PPP3CA: variants seen among roughly 807,000 people sequenced by gnomAD.
The protein encoded by PPP3CA is protein phosphatase 3 catalytic subunit alpha.
In PPP3CA, 14 loss-of-function variants were observed where a neutral mutation model predicts 66.5. That is an observed-to-expected ratio of 0.21 (90% CI 0.14 to 0.33). PPP3CA has a LOEUF of 0.33. Ranked by LOEUF, PPP3CA falls within the 10% of genes least tolerant of loss-of-function variation. The probability of loss-of-function intolerance (pLI) is 1.00; values close to 1 mark genes in which losing one functional copy is unlikely to be tolerated. For missense variants in PPP3CA, 317 were observed against 639.5 expected (o/e 0.50, Z 5.44); for synonymous variants, 232 against 226.2 (o/e 1.03, Z -0.23).
At chr4:101,314,516 A>C (rs1728825449) in intron 1 of PPP3CA, among the ~76,000 whole-genome samples, 1 of 141,650 alleles carries the variant, frequency 7.1e-6, no homozygotes, top group Non-Finnish European at 1.5e-5. Flanking sequence ...GTGAGCAGAG[A>C]TCGCGCCACT....
intron 2 of PPP3CA, among the ~76,000 whole-genome samples, chr4:101,151,157 T>C (rs1211436368): frequency 6.6e-6 from 1 of 152,224 alleles, no homozygotes; most frequent in Non-Finnish European, 1.5e-5. Context: ...ACACAGACCG[T>C]GACCATGGAC....
At chr4:101,319,142 C>T (rs1311143200) in intron 1 of PPP3CA, among the ~76,000 whole-genome samples, 5 of 143,234 alleles carry the variant, frequency 3.5e-5, no homozygotes, top group African/African-American at 1.0e-4. Flanking sequence ...GGCTCTTAAA[C>T]GTGAAGAATT....
intron 2 of PPP3CA, among the ~76,000 whole-genome samples, chr4:101,191,378 C>A (rs909622143): frequency 2.0e-5 from 3 of 152,148 alleles, no homozygotes; most frequent in African/African-American, 7.2e-5. Context: ...CATGCAGTCA[C>A]CTTTTATAAT....
chr4:101,247,554 G>A (rs1289595897), intron 1 of PPP3CA, among the ~76,000 whole-genome samples: 1 of 152,070 alleles, frequency 6.6e-6, no homozygotes, highest in Non-Finnish European at 1.5e-5. Flanking sequence ...AACACAGTAT[G>A]AGCATCATTT....
At chr4:101,127,111 A>G (rs923692419) in intron 2 of PPP3CA, among the ~76,000 whole-genome samples, 2 of 152,108 alleles carry the variant, frequency 1.3e-5, no homozygotes, top group South Asian at 4.1e-4. Context: ...TGTATCATTT[A>G]TTCAGAGAAA....
At chr4:101,329,231 G>T (rs900747851) in intron 1 of PPP3CA, among the ~76,000 whole-genome samples, 4 of 152,052 alleles carry the variant, frequency 2.6e-5, no homozygotes, top group Non-Finnish European at 4.4e-5. Flanking sequence ...GCCAATATAA[G>T]AAAAGTTTTT....
chr4:101,195,587 T>C (rs371049990), intron 2 of PPP3CA, among the ~76,000 whole-genome samples: 15 of 152,304 alleles, frequency 9.8e-5, no homozygotes, highest in African/African-American at 3.4e-4. Context: ...TCGGGATACT[T>C]TGTCTAATCT....
chr4:101,278,136 A>AAAAAAAAAAAAAAAAAATAAAT (rs1553937788), intron 1 of PPP3CA, among the ~76,000 whole-genome samples: 1 of 145,840 alleles, frequency 6.9e-6, no homozygotes, highest in African/African-American at 2.7e-5. Flanking sequence ...AAAAAAAAAA[A>AAAAAAAAAAAAAAAAAATAAAT]AAATAAAAAA....
At chr4:101,126,920 T>A (rs1722262462) in intron 2 of PPP3CA, among the ~76,000 whole-genome samples, 1 of 152,178 alleles carries the variant, frequency 6.6e-6, no homozygotes. Flanking sequence ...ATTTATCCCA[T>A]GTTTAAGGAA....
intron 1 of PPP3CA, among the ~76,000 whole-genome samples, chr4:101,306,739 G>T (rs1422419900): frequency 6.6e-6 from 1 of 151,970 alleles, no homozygotes. Context: ...TTGATATATC[G>T]AGCATTACAG....
At chr4:101,165,405 T>C (rs1480205647) in intron 2 of PPP3CA, among the ~76,000 whole-genome samples, 2 of 150,542 alleles carry the variant, frequency 1.3e-5, no homozygotes, top group Non-Finnish European at 2.9e-5. Context: ...TGTCTATTTT[T>C]TTACCTGTAC....
At position 101,173,895 on chromosome 4, in the gene PPP3CA, T is replaced by A. The variant is rs561681281; in HGVS notation, c.259+22021A>T. ...GCAAGACCTTGTCTCAACAAAAAAA[T>A]TTAAAAATTAGCTGGGAATGGTGGT... On this transcript the variant is annotated intron_variant, in intron 2 of 13. Coordinates refer to ENST00000394854, the MANE Select transcript of PPP3CA (RefSeq NM_000944.5). Among the ~76,000 whole-genome samples the A allele has an allele frequency of 3.5e-4, 53 of 151,984 alleles. 2 individuals are homozygous for A. The South Asian group carries it at 0.01, about 30-fold the overall frequency.
intron 10 of PPP3CA, among the ~76,000 whole-genome samples, chr4:101,042,005 CA>C (rs1404187489): frequency 6.6e-6 from 1 of 152,028 alleles, no homozygotes; most frequent in Non-Finnish European, 1.5e-5. Context: ...CAAGCTTTCA[CA>C]GAAGGGTTTT....
chr4:101,341,190 T>C (rs1054252269), intron 1 of PPP3CA, among the ~76,000 whole-genome samples: 7 of 109,536 alleles, frequency 6.4e-5, no homozygotes, highest in Admixed American at 3.5e-4. Context: ...GAAGTGGCCA[T>C]TTTCTTTTTT....
intron 1 of PPP3CA, among the ~76,000 whole-genome samples, chr4:101,239,958 T>C (rs1398599800): frequency 6.7e-6 from 1 of 149,296 alleles, no homozygotes; most frequent in Non-Finnish European, 1.5e-5. Context: ...TAAGCAAATA[T>C]AATCTAGCAT....
chr4:101,346,629 C>A, intron 1 of PPP3CA, 110 bp downstream of exon 1: 1 of 924,138 alleles, frequency 1.1e-6, no homozygotes, highest in Non-Finnish European at 1.7e-6. Context: ...GCGGCTGGAG[C>A]GGACAGAGGA....
chr4:101,320,902 T>C (rs1729022389), intron 1 of PPP3CA, among the ~76,000 whole-genome samples: 1 of 151,882 alleles, frequency 6.6e-6, no homozygotes, highest in Admixed American at 6.6e-5. Context: ...CCAGGTTAAA[T>C]CCGGATCTAC....
At chr4:101,249,051 T>C (rs1043717366) in intron 1 of PPP3CA, among the ~76,000 whole-genome samples, 1 of 151,474 alleles carries the variant, frequency 6.6e-6, no homozygotes, top group African/African-American at 2.4e-5. Flanking sequence ...TCCCAGCTAC[T>C]CGGGAGGCTG....
At position 101,108,947 on chromosome 4, in the gene PPP3CA, G is replaced by T; in HGVS notation, c.384+7C>A. 6.2e-7 allele frequency: 1 copy of T among 1,612,650 alleles called. No individual in the cohort carries two copies. Among genetic ancestry groups the T allele is most frequent in the South Asian group, 1.1e-5 (1 of 90,902 alleles). ...TGAACAGCAAAGAAGACATGATGTA[G>T]ACTTACTTCAATACTGAAGTACCCT... On this transcript the variant is annotated splice_region_variant and intron_variant, in intron 3 of 13. Coordinates refer to ENST00000394854, the MANE Select transcript of PPP3CA (RefSeq NM_000944.5).
Sources: allele counts gnomAD v4.1 joint callset (sites outside exome capture counted in the v4.1 genomes callset), GRCh38; gene constraint gnomAD v4.1.1; transcripts MANE v1.5; gene names NCBI Gene and HGNC (gene_info 2026-07-23, HGNC 2026-07-21).